ZNF600: variants seen among roughly 807,000 people sequenced by gnomAD.
ZNF600 encodes the protein zinc finger protein KR-ZNF1.
In ZNF600, 4 loss-of-function variants were observed where a neutral mutation model predicts 7.3. The observed-to-expected ratio is 0.55, with a 90% CI of 0.27 to 1.25. The LOEUF (loss-of-function observed/expected upper bound fraction) is 1.25. ZNF600 is among the 50% of genes most tolerant of loss of function. The pLI, the probability that ZNF600 is intolerant of heterozygous loss-of-function variation, is 0.12. For missense variants in ZNF600, 911 were observed against 922.1 expected, an observed-to-expected ratio of 0.99 and a Z score of 0.16; for synonymous variants, 290 against 308.9, an observed-to-expected ratio of 0.94 and a Z score of 0.64.
intron 3 of ZNF600, among the ~76,000 whole-genome samples, chr19:52,774,021 C>T (rs1600384708): frequency 1.3e-5 from 2 of 152,054 alleles, no homozygotes; most frequent in South Asian, 4.2e-4. Context: ...CCCAGCCTGG[C>T]AGCATTATTT....
intron 2 of ZNF600, among the ~76,000 whole-genome samples, chr19:52,775,658 T>C (rs558692311): frequency 5.3e-5 from 8 of 152,224 alleles, no homozygotes; most frequent in African/African-American, 1.9e-4. Context: ...AAGATACAAG[T>C]GGTGTTTCAG....
rs2062762653 is a variant in ZNF600 at position 52,786,248 on chromosome 19, G to C, written c.-20+347C>G. Reference sequence around the variant, plus strand: ...AGGGGAAGCGAAGACTTGGGGAGCAGCAGGGCCCGGCACCAGGAGGGACGT... The same window carrying C: ...AGGGGAAGCGAAGACTTGGGGAGCACCAGGGCCCGGCACCAGGAGGGACGT... On this transcript the variant is annotated intron_variant, in intron 1 of 3. Coordinates refer to ENST00000648973, the Ensembl canonical transcript of ZNF600. Among the ~76,000 whole-genome samples, 3 of 152,118 alleles carry C rather than the reference G, an allele frequency of 2.0e-5. No individual in the cohort carries two copies. In the South Asian group the frequency reaches 6.2e-4, roughly 32 times the overall value.
chr19:52,772,884 C>T (rs142777666), intron 3 of ZNF600, among the ~76,000 whole-genome samples: 2,205 of 152,208 alleles, frequency 0.014, 36 homozygotes, highest in African/African-American at 0.05. Flanking sequence ...GGGACACAAG[C>T]GCTGAGCTGC....
At chr19:52,789,324 C>T (rs2062785793), upstream of ZNF600, among the ~76,000 whole-genome samples, 1 of 152,170 alleles carries the variant, frequency 6.6e-6, no homozygotes, top group Admixed American at 6.5e-5. Context: ...GAGTTGATGT[C>T]ACAGAGCTCC....
the ZNF600 span, among the ~76,000 whole-genome samples, chr19:52,826,594 T>C: frequency 6.6e-6 from 1 of 152,040 alleles, no homozygotes; most frequent in Non-Finnish European, 1.5e-5. Context: ...TAGTCCCAGC[T>C]ACTCAGAAGG....
chr19:52,803,449 A>C, the ZNF600 span, among the ~76,000 whole-genome samples: 2 of 152,206 alleles, frequency 1.3e-5, no homozygotes, highest in Non-Finnish European at 2.9e-5. Context: ...TCACATATAA[A>C]GTCATAAAAA....
chr19:52,774,882 A>T (rs1284263612), intron 2 of ZNF600, among the ~76,000 whole-genome samples, 181 bp from the exon 5 acceptor site: 1 of 152,168 alleles, frequency 6.6e-6, no homozygotes, highest in African/African-American at 2.4e-5. Flanking sequence ...GAAAGATTTT[A>T]AGATGCCATA....
chr19:52,816,745 C>A, the ZNF600 span, among the ~76,000 whole-genome samples: 4 of 151,700 alleles, frequency 2.6e-5, no homozygotes, highest in Non-Finnish European at 5.9e-5. Context: ...GACAGAGAAT[C>A]GCTTCAACCT....
At chr19:52,809,840 T>G in the ZNF600 span, 1 of 422,108 alleles carries the variant, frequency 2.4e-6, no homozygotes, top group Non-Finnish European at 4.4e-6. Context: ...GCGGCGGCGG[T>G]GGCGGTGGTG....
the ZNF600 span, chr19:52,817,837 A>C: frequency 6.3e-7 from 1 of 1,579,862 alleles, no homozygotes; most frequent in Non-Finnish European, 8.6e-7. Flanking sequence ...GAGGGTGAGC[A>C]AACATATCAG....
chr19:52,831,141 C>T, the ZNF600 span, among the ~76,000 whole-genome samples: 4 of 151,944 alleles, frequency 2.6e-5, no homozygotes, highest in Admixed American at 1.3e-4. Flanking sequence ...GAATTTCATA[C>T]ACACACACAA....
intron 3 of ZNF600, among the ~76,000 whole-genome samples, chr19:52,769,597 A>G (rs1008500929): frequency 6.6e-6 from 1 of 151,992 alleles, no homozygotes; most frequent in Non-Finnish European, 1.5e-5. Flanking sequence ...GCCACTACCC[A>G]TCTCTGCATC....
chr19:52,788,170 A>G (rs144525773), upstream of ZNF600, among the ~76,000 whole-genome samples: 1,969 of 152,278 alleles, frequency 0.013, 26 homozygotes, highest in Middle Eastern at 0.044. Flanking sequence ...TAGGTTATAG[A>G]AGATGGAATT....
chr19:52,818,042 A>G, the ZNF600 span: 160 of 1,595,630 alleles, frequency 1.0e-4, no homozygotes, highest in African/African-American at 1.8e-3. Flanking sequence ...CTGAATGTTA[A>G]AAATATGTTG....
chr19:52,791,950 G>A, the ZNF600 span, among the ~76,000 whole-genome samples: 2 of 152,208 alleles, frequency 1.3e-5, no homozygotes, highest in African/African-American at 4.8e-5. Context: ...TCAGAGCTTC[G>A]ATGCTCAATG....
chr19:52,793,394 A>T, the ZNF600 span, among the ~76,000 whole-genome samples: 237 of 152,292 alleles, frequency 1.6e-3, no homozygotes, highest in Middle Eastern at 6.8e-3. Flanking sequence ...ATGGGACAGA[A>T]AGGCTGCTTA....
In ZNF600 at chr19:52,778,884, A is replaced by C; in HGVS notation, c.5T>G (p.Leu2Ter). 6.2e-7 allele frequency: 1 copy of C among 1,604,862 alleles called. No individual in the cohort carries two copies. The highest frequency in any genetic ancestry group is 8.5e-7 in the Non-Finnish European group (1 of 1,178,118). Reference sequence around the variant, plus strand: ...CCTCTTCTGAGCTGCTTCTTCACATAACATGAGTCTTTAGGAATCAATCCT... The same window carrying C: ...CCTCTTCTGAGCTGCTTCTTCACATCACATGAGTCTTTAGGAATCAATCCT... Residue 2 changes from leucine to a stop codon, truncating the protein, a stop_gained, in exon 2 of 4, where the codon TTA becomes TGA. Transcript: ENST00000648973. LOFTEE classifies it high-confidence loss of function.
chr19:52,814,944 AT>A, the ZNF600 span, among the ~76,000 whole-genome samples: 118 of 146,088 alleles, frequency 8.1e-4, 18 homozygotes, highest in African/African-American at 3.0e-3. Context: ...CTTTTTTTGC[AT>A]ATATATGCCC....
the ZNF600 span, among the ~76,000 whole-genome samples, chr19:52,829,215 T>TTTATTTTA: frequency 6.5e-5 from 3 of 46,322 alleles, no homozygotes; most frequent in East Asian, 4.5e-4. Flanking sequence ...TTTATTTTAT[T>TTTATTTTA]TTATTTTATT....
Sources: allele counts gnomAD v4.1 joint callset (sites outside exome capture counted in the v4.1 genomes callset), GRCh38; gene constraint gnomAD v4.1.1; transcripts MANE v1.5; gene names NCBI Gene and HGNC (gene_info 2026-07-23, HGNC 2026-07-21).